The following MCC variants were observed in gnomAD, a reference collection of about 807,000 sequenced individuals.
MCC encodes the protein colorectal mutant cancer protein.
MCC carries 90 observed loss-of-function variants against 116.2 expected under a neutral mutation model. That is an observed-to-expected ratio of 0.77 (90% confidence interval 0.65 to 0.92). The LOEUF is 0.92. MCC is among the 40% of genes least tolerant of loss of function. The pLI, the probability that MCC is intolerant of heterozygous loss-of-function variation, is 0.00. For synonymous variants in MCC, 578 were observed against 510.5 expected (o/e 1.13, Z -1.78); for missense variants, 1,516 against 1,312.2 (o/e 1.16, Z -2.40).
chr5:113,403,234 T>C (rs1769741201), intron 1 of MCC, among the ~76,000 whole-genome samples: 1 of 152,102 alleles, frequency 6.6e-6, no homozygotes, highest in South Asian at 2.1e-4. Flanking sequence ...TTAGCCATGG[T>C]AGCTTGCCAT....
intron 3 of MCC, among the ~76,000 whole-genome samples, chr5:113,154,845 A>G (rs1478472467): frequency 6.6e-6 from 1 of 152,232 alleles, no homozygotes; most frequent in African/African-American, 2.4e-5. Flanking sequence ...TCAAATCAGG[A>G]TATTTAAAAT....
chr5:113,439,953 C>T (rs1770985283), intron 1 of MCC, among the ~76,000 whole-genome samples: 1 of 152,118 alleles, frequency 6.6e-6, no homozygotes, highest in Admixed American at 6.6e-5. Context: ...TAGCCTCAAC[C>T]TCCTGGCCTC....
At chr5:113,318,631 G>C (rs1186688806) in intron 3 of MCC, among the ~76,000 whole-genome samples, 2 of 152,008 alleles carry the variant, frequency 1.3e-5, no homozygotes, top group Admixed American at 1.3e-4. Flanking sequence ...GCTAAGTGAA[G>C]AGAACATATG....
Position 113,027,106 on chromosome 5 carries a change from C to T in MCC, c.*196G>A. Reference sequence around the variant, plus strand: ...TGGGCCCAGGAGGGAAGAGCGGGCACCTCTGGATACAGTCCACAATGTCAC... The same window carrying T: ...TGGGCCCAGGAGGGAAGAGCGGGCATCTCTGGATACAGTCCACAATGTCAC... On this transcript the variant is annotated 3_prime_UTR_variant, in exon 19 of 19. Transcript: ENST00000408903. The T allele has an allele frequency of 1.7e-6, 1 of 595,388 alleles. No individual in the cohort carries two copies. The highest frequency in any genetic ancestry group is 2.8e-5 in the East Asian group (1 of 35,326). 36.9% of individuals were successfully genotyped at this position (595,388 alleles called of 1,614,324 possible).
At chr5:113,340,880 C>G (rs533520703) in intron 2 of MCC, 150 bp from the exon 3 acceptor site, 2 of 646,600 alleles carry the variant, frequency 3.1e-6, no homozygotes, top group Non-Finnish European at 5.3e-6. Flanking sequence ...TAAGCGCTTT[C>G]TCTTTCAAAC....
At chr5:113,180,387 T>A (rs933492588) in intron 3 of MCC, among the ~76,000 whole-genome samples, 1 of 152,172 alleles carries the variant, frequency 6.6e-6, no homozygotes, top group Non-Finnish European at 1.5e-5. Context: ...TGGAATATAT[T>A]GTATAGAGAA....
chr5:113,429,165 A>G (rs527526388), intron 1 of MCC, among the ~76,000 whole-genome samples: 45 of 152,206 alleles, frequency 3.0e-4, no homozygotes, highest in African/African-American at 9.9e-4. Flanking sequence ...CTAACCTCCA[A>G]TGTGACTCTA....
intron 3 of MCC, among the ~76,000 whole-genome samples, chr5:113,154,324 T>C (rs1760049618): frequency 2.0e-5 from 3 of 152,246 alleles, no homozygotes; most frequent in Admixed American, 2.0e-4. Context: ...AAAATATGTC[T>C]CTTACTGTTA....
intron 3 of MCC, among the ~76,000 whole-genome samples, chr5:113,158,666 T>C (rs1350955580): frequency 1.3e-5 from 2 of 152,328 alleles, no homozygotes; most frequent in Non-Finnish European, 2.9e-5. Flanking sequence ...ATTACCTCCT[T>C]CTGGCAAACG....
intron 16 of MCC, among the ~76,000 whole-genome samples, chr5:113,045,518 G>C (rs1580913652): frequency 6.6e-6 from 1 of 152,154 alleles, no homozygotes; most frequent in Non-Finnish European, 1.5e-5. Context: ...TATTACTAGA[G>C]GCCAGGCACA....
intron 3 of MCC, 106 bp downstream of exon 3, chr5:113,340,413 T>TAAAG: frequency 1.0e-6 from 1 of 959,498 alleles, no homozygotes; most frequent in East Asian, 2.5e-5. Context: ...TTTACCGCAA[T>TAAAG]AAAGAAGACA....
intron 6 of MCC, among the ~76,000 whole-genome samples, chr5:113,114,034 C>T (rs1334443579): frequency 2.8e-5 from 4 of 141,224 alleles, no homozygotes; most frequent in African/African-American, 1.3e-4. Context: ...AAGGTTTACA[C>T]ATATGCCTTT....
In MCC at chr5:113,375,131, T is replaced by C. The variant is rs1037132044; in HGVS notation, c.415+9837A>G. 3.3e-5 allele frequency among the ~76,000 whole-genome samples: 5 copies of C among 152,196 alleles called. No individual in the cohort carries two copies. In the South Asian group the frequency reaches 1.0e-3, roughly 32 times the overall value. ...CAGGGACATTGAATTTAATTACAGG[T>C]TGAATACTTTCTATTGAGCTCTTCT... On this transcript the variant is annotated intron_variant, in intron 2 of 18. Coordinates refer to ENST00000408903, the MANE Select transcript of MCC (RefSeq NM_001085377.2).
chr5:113,037,467 C>T (rs547608914), intron 17 of MCC, among the ~76,000 whole-genome samples: 11 of 152,140 alleles, frequency 7.2e-5, no homozygotes, highest in Admixed American at 3.9e-4. Flanking sequence ...TTGAGGCGGG[C>T]GGATCAGTTG....
chr5:113,280,742 T>C (rs1458118585), intron 3 of MCC, among the ~76,000 whole-genome samples: 1 of 152,180 alleles, frequency 6.6e-6, no homozygotes, highest in Non-Finnish European at 1.5e-5. Context: ...GAAGATTTTG[T>C]ATTGCACAAG....
intron 12 of MCC, among the ~76,000 whole-genome samples, chr5:113,070,867 G>C (rs1342267238): frequency 2.0e-5 from 3 of 152,164 alleles, no homozygotes; most frequent in Non-Finnish European, 2.9e-5. Flanking sequence ...TTGAGTGATA[G>C]TACCTAAATG....
At chr5:113,051,185 C>T (rs1378461223) in intron 15 of MCC, among the ~76,000 whole-genome samples, 2 of 152,052 alleles carry the variant, frequency 1.3e-5, no homozygotes, top group Non-Finnish European at 2.9e-5. Context: ...ATCTGCAACC[C>T]AGGATCCTCA....
intron 1 of MCC, among the ~76,000 whole-genome samples, chr5:113,440,689 A>C (rs573550167): frequency 6.6e-6 from 1 of 152,302 alleles, no homozygotes; most frequent in South Asian, 2.1e-4. Context: ...AGCTAGAAAG[A>C]GTGATGTCTA....
intron 1 of MCC, among the ~76,000 whole-genome samples, chr5:113,477,786 G>A (rs1044482905): frequency 6.6e-6 from 1 of 152,158 alleles, no homozygotes; most frequent in African/African-American, 2.4e-5. Flanking sequence ...AAGCTTAAAG[G>A]CAAGCTTCCA....
Sources: gnomAD v4.1 joint callset for allele counts (sites outside exome capture counted in the v4.1 genomes callset) on GRCh38, gnomAD v4.1.1 for gene constraint, MANE v1.5 for transcripts, NCBI Gene and HGNC (gene_info 2026-07-23, HGNC 2026-07-21) for gene names.